CSMD1: variants seen among roughly 807,000 people sequenced by gnomAD.
CSMD1 encodes the protein CUB and sushi domain-containing protein 1.
In CSMD1, 213 loss-of-function variants were observed where a neutral mutation model predicts 417.5. The observed-to-expected ratio is 0.51, with a 90% CI of 0.46 to 0.57. CSMD1 has a LOEUF of 0.57. Ranked by LOEUF, CSMD1 falls within the 20% of genes least tolerant of loss-of-function variation. The pLI is 0.00. For synonymous variants in CSMD1, 2,862 were observed against 1,736.8 expected (o/e 1.65, Z -16.11); for missense variants, 6,923 against 4,529.7 (o/e 1.53, Z -15.17).
chr8:4,623,295 C>T (rs982583503), intron 2 of CSMD1, among the ~76,000 whole-genome samples: 1 of 152,100 alleles, frequency 6.6e-6, no homozygotes, highest in Non-Finnish European at 1.5e-5. Context: ...AAATAACACT[C>T]TACACTCATT....
At chr8:2,997,526 A>G (rs1009237621) in intron 54 of CSMD1, among the ~76,000 whole-genome samples, 1 of 152,226 alleles carries the variant, frequency 6.6e-6, no homozygotes, top group African/African-American at 2.4e-5. Context: ...GAAATCTTAA[A>G]CATCATGAGC....
At chr8:3,233,241 A>G (rs1458227154) in intron 26 of CSMD1, among the ~76,000 whole-genome samples, 1 of 152,148 alleles carries the variant, frequency 6.6e-6, no homozygotes, top group Non-Finnish European at 1.5e-5. Context: ...TGTATTAATC[A>G]TTTGTAAATT....
At chr8:4,514,726 T>G (rs1395569005) in intron 2 of CSMD1, among the ~76,000 whole-genome samples, 2 of 152,162 alleles carry the variant, frequency 1.3e-5, no homozygotes, top group African/African-American at 4.8e-5. Context: ...CTGCTATTAG[T>G]AACTTCCTCC....
At chr8:4,288,397 A>G (rs1455361632) in intron 3 of CSMD1, among the ~76,000 whole-genome samples, 1 of 152,176 alleles carries the variant, frequency 6.6e-6, no homozygotes, top group South Asian at 2.1e-4. Context: ...AATGACCTAC[A>G]AATATCTCAG....
At chr8:4,233,737 A>T (rs1801880016) in intron 3 of CSMD1, among the ~76,000 whole-genome samples, 1 of 152,170 alleles carries the variant, frequency 6.6e-6, no homozygotes, top group South Asian at 2.1e-4. Context: ...TAATAAAATA[A>T]AGATGTAAGA....
At chr8:4,057,873 G>A (rs1375578742) in intron 3 of CSMD1, among the ~76,000 whole-genome samples, 1 of 152,132 alleles carries the variant, frequency 6.6e-6, no homozygotes, top group Non-Finnish European at 1.5e-5. Flanking sequence ...TGCAGGCTGT[G>A]TTCTGTTCCA....
intron 54 of CSMD1, among the ~76,000 whole-genome samples, chr8:2,995,437 T>G (rs1218943242): frequency 6.6e-6 from 1 of 152,138 alleles, no homozygotes; most frequent in Non-Finnish European, 1.5e-5. Context: ...CGCCCACACA[T>G]GTTGGGTAGG....
chr8:3,091,458 A>G (rs374902258), intron 48 of CSMD1, 58 bp downstream of exon 48: 1 of 1,318,180 alleles, frequency 7.6e-7, no homozygotes, highest in Admixed American at 2.5e-5. Context: ...TGTTTTATTC[A>G]ATGAAAATCA....
chr8:3,493,552 G>A (rs1190191103), intron 11 of CSMD1, 71 bp downstream of exon 11: 6 of 1,297,718 alleles, frequency 4.6e-6, no homozygotes, highest in African/African-American at 1.5e-5. Context: ...GCCTGTAGCA[G>A]AATCTCATCT....
chr8:4,088,833 T>C (rs1800564434), intron 3 of CSMD1, among the ~76,000 whole-genome samples: 1 of 152,104 alleles, frequency 6.6e-6, no homozygotes, highest in Admixed American at 6.6e-5. Flanking sequence ...TCCCTCCCTC[T>C]GGAATCACTA....
chr8:3,808,452 G>A (rs75347254), intron 5 of CSMD1, among the ~76,000 whole-genome samples: 2,245 of 151,944 alleles, frequency 0.015, 46 homozygotes, highest in East Asian at 0.038. Flanking sequence ...TTCAAAAGCT[G>A]TGTTTCTCTC....
intron 1 of CSMD1, among the ~76,000 whole-genome samples, chr8:4,810,583 G>A (rs1256870743): frequency 6.6e-6 from 1 of 152,168 alleles, no homozygotes; most frequent in Non-Finnish European, 1.5e-5. Flanking sequence ...TGGTGGCTGT[G>A]TGTCTGTATA....
rs542075771 is a variant in CSMD1 at position 3,423,411 on chromosome 8, T to A, written c.1562-13806A>T. On this transcript the variant is annotated intron_variant, in intron 12 of 69. Coordinates refer to ENST00000635120, the MANE Select transcript of CSMD1 (RefSeq NM_033225.6). ...GCTTTCTCTCTTCCAGAATTTCATA[T>A]AAATGGAATCATAGGGTACACACAT... 8.2e-4 allele frequency among the ~76,000 whole-genome samples: 125 copies of A among 152,350 alleles called. 3 individuals carry two copies. In the South Asian group the frequency reaches 0.011, roughly 13 times the overall value.
chr8:3,754,175 T>C (rs2720860), intron 5 of CSMD1, 133 bp from the exon 6 acceptor site: 150,132 of 530,506 alleles, frequency 0.28, 23,029 homozygotes, highest in East Asian at 0.46. Context: ...CATGTATTAA[T>C]TGACTTTGAA....
chr8:4,194,298 C>T (rs1799204937), intron 3 of CSMD1, among the ~76,000 whole-genome samples: 1 of 152,042 alleles, frequency 6.6e-6, no homozygotes, highest in Non-Finnish European at 1.5e-5. Context: ...AAAATGTTCC[C>T]AAGTCATTCC....
intron 3 of CSMD1, among the ~76,000 whole-genome samples, chr8:4,284,737 G>A (rs962288108): frequency 5.3e-5 from 8 of 152,152 alleles, no homozygotes; most frequent in African/African-American, 1.4e-4. Flanking sequence ...GTAACTCCAT[G>A]TGTCAGATGA....
intron 2 of CSMD1, among the ~76,000 whole-genome samples, chr8:4,499,452 C>G (rs1295833420): frequency 1.3e-5 from 2 of 152,178 alleles, no homozygotes; most frequent in South Asian, 2.1e-4. Flanking sequence ...TGCTCTTCCA[C>G]AAAGAGTGAT....
chr8:3,669,161 C>T lies in CSMD1; in HGVS notation c.1009+39253G>A, dbSNP rs146864429. On this transcript the variant is annotated intron_variant, in intron 7 of 69. Transcript: ENST00000635120. ...CAGAATGGTTAAAACAAGGAAAGCA[C>T]GTACAAATGAGCATAAAGTTATGTT... Among the ~76,000 whole-genome samples the T allele has an allele frequency of 4.5e-4, 69 of 152,224 alleles. 1 individual carries two copies. In the East Asian group the frequency reaches 0.012, roughly 27 times the overall value.
intron 5 of CSMD1, among the ~76,000 whole-genome samples, chr8:3,832,464 T>G (rs1802432140): frequency 6.6e-6 from 1 of 152,234 alleles, no homozygotes; most frequent in South Asian, 2.1e-4. Flanking sequence ...ATAAGATTTT[T>G]TGTTTCTTGT....
Sources: gnomAD v4.1 joint callset for allele counts (sites outside exome capture counted in the v4.1 genomes callset) on GRCh38, gnomAD v4.1.1 for gene constraint, MANE v1.5 for transcripts, NCBI Gene and HGNC (gene_info 2026-07-23, HGNC 2026-07-21) for gene names.